The following LIPA variants were observed in gnomAD, a reference collection of about 807,000 sequenced individuals.
LIPA encodes lipase A, lysosomal acid type.
A neutral mutation model predicts 40.6 loss-of-function variants in LIPA; 26 were observed. That is an observed-to-expected ratio of 0.64 (90% CI 0.47 to 0.89). The LOEUF (loss-of-function observed/expected upper bound fraction) is 0.89, where lower values mean the gene tolerates loss of function less well. Among genes scored for constraint, LIPA ranks in the 40% least tolerant of loss-of-function variants. LIPA has a pLI of 0.00. For synonymous variants in LIPA, 188 were observed against 168.4 expected (o/e 1.12, Z -0.90); for missense variants, 455 against 479.6 (o/e 0.95, Z 0.48).
chr10:89,340,209 A>C, intron 1 of LIPA: 3 of 1,411,140 alleles, frequency 2.1e-6, no homozygotes, highest in Non-Finnish European at 1.9e-6. Context: ...GGGGGCCCCA[A>C]CCTGGGATTG....
chr10:89,387,728 G>A (rs1844220421), intron 2 of LIPA, among the ~76,000 whole-genome samples: 1 of 152,192 alleles, frequency 6.6e-6, no homozygotes, highest in South Asian at 2.1e-4. Context: ...TCAATTAATT[G>A]TACTGAAGGC....
At chr10:89,407,263 C>T (rs1220408452) in intron 2 of LIPA, among the ~76,000 whole-genome samples, 1 of 152,216 alleles carries the variant, frequency 6.6e-6, no homozygotes, top group Non-Finnish European at 1.5e-5. Context: ...TAACCCTTGC[C>T]TCCTGGGTCC....
intron 2 of LIPA, among the ~76,000 whole-genome samples, chr10:89,367,138 A>G (rs1224696007): frequency 7.0e-6 from 1 of 143,338 alleles, no homozygotes; most frequent in Non-Finnish European, 1.5e-5. Context: ...GAACACTTGG[A>G]CACAGAAAAG....
At chr10:89,364,115 A>G (rs1844042216) in intron 2 of LIPA, among the ~76,000 whole-genome samples, 1 of 152,058 alleles carries the variant, frequency 6.6e-6, no homozygotes, top group Non-Finnish European at 1.5e-5. Flanking sequence ...GCAACATAAA[A>G]CTGTTTGGTG....
chr10:89,291,522 A>C (rs1448063743), intron 1 of LIPA, among the ~76,000 whole-genome samples: 15 of 152,088 alleles, frequency 9.9e-5, no homozygotes, highest in Admixed American at 9.2e-4. Context: ...CATGATACAC[A>C]TGAGTTATAT....
At chr10:89,248,145 G>A (rs2133469271) in intron 1 of LIPA, among the ~76,000 whole-genome samples, 1 of 148,392 alleles carries the variant, frequency 6.7e-6, no homozygotes, top group Admixed American at 6.8e-5. Flanking sequence ...GATTACAGGC[G>A]TGAGCCACCG....
chr10:89,276,347 A>C (rs1416786921), intron 1 of LIPA, among the ~76,000 whole-genome samples: 1 of 152,234 alleles, frequency 6.6e-6, no homozygotes, highest in Non-Finnish European at 1.5e-5. Context: ...TTGTTATACC[A>C]GCCTGAGCTA....
At chr10:89,346,454 C>T (rs1843922308), upstream of LIPA, among the ~76,000 whole-genome samples, 2 of 152,220 alleles carry the variant, frequency 1.3e-5, no homozygotes, top group African/African-American at 4.8e-5. Flanking sequence ...CACCCTGCAA[C>T]ACAAGCTCTG....
intron 2 of LIPA, chr10:89,392,995 G>T (rs1844280243): frequency 4.1e-6 from 3 of 727,210 alleles, no homozygotes; most frequent in South Asian, 3.8e-5. Flanking sequence ...GAGTTTTGCA[G>T]GAAGGGAGAA....
chr10:89,304,250 T>A (rs1484046392), intron 1 of LIPA, among the ~76,000 whole-genome samples: 1 of 151,984 alleles, frequency 6.6e-6, no homozygotes, highest in African/African-American at 2.4e-5. Flanking sequence ...AGTCCCTTGA[T>A]GTAACTAACC....
chr10:89,290,982 C>G (rs542783591), intron 1 of LIPA, among the ~76,000 whole-genome samples: 3 of 152,290 alleles, frequency 2.0e-5, no homozygotes, highest in African/African-American at 4.8e-5. Flanking sequence ...TTTCACTTAA[C>G]ATTATATTGT....
At chr10:89,248,815 C>T (rs970868231) in intron 1 of LIPA, among the ~76,000 whole-genome samples, 2 of 152,180 alleles carry the variant, frequency 1.3e-5, no homozygotes, top group Middle Eastern at 3.2e-3. Context: ...ACCTCCCACC[C>T]ACCACCTCCA....
At chr10:89,250,573 A>G (rs1843105190) in intron 1 of LIPA, among the ~76,000 whole-genome samples, 1 of 152,230 alleles carries the variant, frequency 6.6e-6, no homozygotes, top group South Asian at 2.1e-4. Context: ...ACTAGAGAAT[A>G]AGGAGTAAAT....
In LIPA at chr10:89,404,173, T is replaced by C. The variant is rs542828976; in HGVS notation, c.61+8618A>G. On this transcript the variant is annotated intron_variant, in intron 2 of 8. Coordinates refer to the LIPA transcript ENST00000371837. ...CCCTTGCTAACTGCCATTGGACTTT[T>C]TCCACTGAGTTAAACAGAAACCCAT... 3 of 152,996 alleles carry C rather than the reference T, an allele frequency of 2.0e-5. No homozygotes were observed. The South Asian group carries it at 6.2e-4, about 32-fold the overall frequency. The allele number at this position is 152,996 out of a possible 1,614,324, so 9.5% of individuals were successfully genotyped here. A position where few individuals can be genotyped will look rare whatever the true frequency, so the allele number is the denominator to read the frequency against.
intron 1 of LIPA, among the ~76,000 whole-genome samples, chr10:89,321,897 G>T (rs10887944): frequency 0.21 from 32,492 of 151,942 alleles, 4,306 homozygotes; most frequent in East Asian, 0.63. Flanking sequence ...CCATAAAAAA[G>T]GATGAGTTCA....
chr10:89,326,452 C>T (rs73368509), intron 1 of LIPA, among the ~76,000 whole-genome samples: 6,091 of 151,918 alleles, frequency 0.04, 416 homozygotes, highest in African/African-American at 0.14. Flanking sequence ...AGAGTAGTAG[C>T]GGGGGAAGTG....
chr10:89,359,820 C>A (rs1311375809), intron 2 of LIPA, among the ~76,000 whole-genome samples: 2 of 148,660 alleles, frequency 1.3e-5, no homozygotes, highest in Admixed American at 6.7e-5. Flanking sequence ...CTCTCTCACA[C>A]ACACACACAC....
chr10:89,396,376 C>T (rs1291303126), intron 2 of LIPA, among the ~76,000 whole-genome samples: 1 of 152,184 alleles, frequency 6.6e-6, no homozygotes, highest in Non-Finnish European at 1.5e-5. Flanking sequence ...AAGTATGGTG[C>T]TGGCATCTTC....
At chr10:89,381,275 G>A (rs1242294032) in intron 2 of LIPA, among the ~76,000 whole-genome samples, 1 of 152,212 alleles carries the variant, frequency 6.6e-6, no homozygotes, top group African/African-American at 2.4e-5. Context: ...CGGGGCATGA[G>A]TGGACGATTT....
Sources: gnomAD v4.1 joint callset for allele counts (sites outside exome capture counted in the v4.1 genomes callset) on GRCh38, gnomAD v4.1.1 for gene constraint, MANE v1.5 for transcripts, NCBI Gene and HGNC (gene_info 2026-07-23, HGNC 2026-07-21) for gene names.